Variants in RHOT1 observed in about 807,000 individuals in gnomAD.
The protein encoded by RHOT1 is ras homolog family member T1, also known as mitochondrial Rho GTPase 1.
In RHOT1, 27 loss-of-function variants were observed where a neutral mutation model predicts 95.3. That is an observed-to-expected ratio of 0.28 (90% CI 0.21 to 0.39). The LOEUF (loss-of-function observed/expected upper bound fraction) is 0.39, where lower values mean the gene tolerates loss of function less well. Ranked by LOEUF, RHOT1 falls within the 10% of genes least tolerant of loss-of-function variation. RHOT1 has a pLI of 1.00. For missense variants in RHOT1, 578 were observed against 786.7 expected (o/e 0.73, Z 3.17); for synonymous variants, 227 against 263.5 (o/e 0.86, Z 1.34).
chr17:32,153,415 T>G (rs1325568152), intron 1 of RHOT1, among the ~76,000 whole-genome samples: 1 of 152,160 alleles, frequency 6.6e-6, no homozygotes, highest in African/African-American at 2.4e-5. Flanking sequence ...TGCCAGCACT[T>G]TGGGAGGCCA....
chr17:32,186,808 A>T (rs544098509), intron 8 of RHOT1, among the ~76,000 whole-genome samples: 2 of 152,046 alleles, frequency 1.3e-5, no homozygotes, highest in Non-Finnish European at 2.9e-5. Context: ...CTACAGGTGC[A>T]TGCCACCACA....
At chr17:32,143,270 G>C (rs1466438511) in intron 1 of RHOT1, 2 of 363,066 alleles carry the variant, frequency 5.5e-6, no homozygotes, top group African/African-American at 4.3e-5. Flanking sequence ...GCATTTTTTT[G>C]GCACTCGCAG....
intron 8 of RHOT1, among the ~76,000 whole-genome samples, chr17:32,187,253 C>T (rs1422168557): frequency 1.3e-5 from 2 of 152,082 alleles, no homozygotes; most frequent in Non-Finnish European, 2.9e-5. Context: ...CACCACTGCA[C>T]TCCAGCCTGG....
chr17:32,171,069 A>T lies in RHOT1; in HGVS notation c.64A>T (p.Met22Leu), dbSNP rs746871794. 6.2e-7 allele frequency: 1 copy of T among 1,606,268 alleles called. No individual in the cohort carries two copies. Among genetic ancestry groups the T allele is most frequent in the East Asian group, 2.2e-5 (1 of 44,608 alleles). Residue 22 changes from methionine (M) to leucine (L), a missense_variant, in exon 2 of 20, where the codon ATG (methionine) becomes TTG (leucine). Physicochemically the swap from Met to Leu is conservative, Grantham distance 15 (BLOSUM62 2). Transcript: ENST00000545287. ...TAGAGTTGGGAAGACATCACTGATTATGTCTCTGGTCAGTGAAGAATTTCC... is the reference window on the plus strand; with the variant it reads ...TAGAGTTGGGAAGACATCACTGATTTTGTCTCTGGTCAGTGAAGAATTTCC... ...EPRVGKTSLI[M>L]SLVSEEFPEE...
chr17:32,218,107 G>T (rs1335733029), intron 19 of RHOT1, among the ~76,000 whole-genome samples: 1 of 151,840 alleles, frequency 6.6e-6, no homozygotes, highest in African/African-American at 2.4e-5. Flanking sequence ...ATGTGATCTG[G>T]CTACCTCGGC....
intron 18 of RHOT1, chr17:32,209,570 G>A (rs35910231): frequency 2.7e-5 from 16 of 581,942 alleles, no homozygotes; most frequent in African/African-American, 2.4e-4. Context: ...GCTTGGTCAG[G>A]CTTCCTGCCT....
intron 8 of RHOT1, among the ~76,000 whole-genome samples, chr17:32,186,904 C>T (rs1049149074): frequency 3.3e-5 from 5 of 152,304 alleles, no homozygotes; most frequent in African/African-American, 9.6e-5. Context: ...TCAAACAGTC[C>T]TTCTGCCCCA....
chr17:32,158,961 CAGT>C (rs557326053), intron 1 of RHOT1, among the ~76,000 whole-genome samples: 54 of 152,278 alleles, frequency 3.5e-4, no homozygotes, highest in Non-Finnish European at 5.6e-4. Context: ...GCTGGAGCAG[CAGT>C]GGTGGTGGTG....
At chr17:32,200,820 G>C in intron 13 of RHOT1, 136 bp from the exon 14 acceptor site, 2 of 593,688 alleles carry the variant, frequency 3.4e-6, no homozygotes, top group Non-Finnish European at 5.9e-6. Flanking sequence ...CTATGGTTGG[G>C]CTCATAGGAA....
chr17:32,178,211 C>A (rs34311754), intron 6 of RHOT1, among the ~76,000 whole-genome samples: 38 of 149,508 alleles, frequency 2.5e-4, no homozygotes, highest in Admixed American at 2.7e-4. Flanking sequence ...CCTCCCCCCC[C>A]CCAGTGATCT....
intron 2 of RHOT1, 92 bp from the exon 3 acceptor site, chr17:32,173,739 A>C: frequency 5.7e-6 from 5 of 874,628 alleles, no homozygotes; most frequent in Non-Finnish European, 9.2e-6. Flanking sequence ...GAAACACTCA[A>C]CCTGTGTAGA....
In RHOT1 at chr17:32,155,351, A is replaced by G. The variant is rs535200458; in HGVS notation, c.37+12622A>G. Among the ~76,000 whole-genome samples, 3 of 151,866 alleles carry G rather than the reference A, an allele frequency of 2.0e-5. No homozygotes were observed. The East Asian group carries it at 5.8e-4, about 30-fold the overall frequency. ...ATTTTTTTGTATTTTTAGTAGAGAC[A>G]GGGTTTCACCATGTTAACCAGGATG... On this transcript the variant is annotated intron_variant, in intron 1 of 19. Transcript: ENST00000545287.
intron 11 of RHOT1, among the ~76,000 whole-genome samples, chr17:32,197,693 A>G (rs1445401915): frequency 1.3e-5 from 2 of 151,670 alleles, no homozygotes; most frequent in African/African-American, 2.4e-5. Flanking sequence ...CTCCCAAAGT[A>G]CTGGGATTAC....
At chr17:32,192,908 G>A (rs947930925) in intron 9 of RHOT1, among the ~76,000 whole-genome samples, 2 of 151,910 alleles carry the variant, frequency 1.3e-5, no homozygotes, top group Non-Finnish European at 2.9e-5. Context: ...CTCGTGATCC[G>A]CCTGCCTCAG....
chr17:32,142,871 C>T, intron 1 of RHOT1, 142 bp downstream of exon 1: 3 of 799,954 alleles, frequency 3.8e-6, no homozygotes, highest in Non-Finnish European at 6.4e-6. Flanking sequence ...CCTTTCTCCG[C>T]GTTCCTAGGC....
chr17:32,191,952 C>T (rs149769167), intron 8 of RHOT1, among the ~76,000 whole-genome samples: 32 of 152,292 alleles, frequency 2.1e-4, no homozygotes, highest in East Asian at 1.3e-3. Context: ...TAAAGATGAA[C>T]TTCTCTTTTC....
At chr17:32,197,723 T>C (rs1312214524) in intron 11 of RHOT1, among the ~76,000 whole-genome samples, 1 of 151,208 alleles carries the variant, frequency 6.6e-6, no homozygotes, top group Non-Finnish European at 1.5e-5. Flanking sequence ...CCACCGTGCC[T>C]GGCCACACCC....
chr17:32,176,542 T>TTTTATTTATTTATTTA (rs368484694), intron 6 of RHOT1, among the ~76,000 whole-genome samples: 9 of 140,664 alleles, frequency 6.4e-5, no homozygotes, highest in African/African-American at 1.4e-4. Flanking sequence ...AAAGTCTCAG[T>TTTTATTTATTTATTTA]TTTATTTATT....
intron 6 of RHOT1, among the ~76,000 whole-genome samples, chr17:32,181,605 A>T (rs2035640164): frequency 6.6e-6 from 1 of 152,204 alleles, no homozygotes; most frequent in Non-Finnish European, 1.5e-5. Flanking sequence ...CATACCTGTT[A>T]TCCAGCTTCA....
Sources: gnomAD v4.1 joint callset for allele counts (sites outside exome capture counted in the v4.1 genomes callset) on GRCh38, gnomAD v4.1.1 for gene constraint, MANE v1.5 for transcripts, NCBI Gene and HGNC (gene_info 2026-07-23, HGNC 2026-07-21) for gene names.